The following SYTL3 variants were observed in gnomAD, a reference collection of about 807,000 sequenced individuals.
The protein encoded by SYTL3 is synaptotagmin like 3.
In SYTL3, 88 loss-of-function variants were observed where a neutral mutation model predicts 82.1. The ratio of observed to expected loss-of-function variants is 1.07; its 90% CI spans 0.90 to 1.28. The LOEUF is 1.28. Ranked by LOEUF, SYTL3 falls within the 50% of genes most tolerant of loss-of-function variation. The probability of loss-of-function intolerance (pLI) is 0.00; values close to 1 mark genes in which losing one functional copy is unlikely to be tolerated. For synonymous variants in SYTL3, 311 were observed against 289.4 expected, an observed-to-expected ratio of 1.07 and a Z score of -0.76; for missense variants, 831 against 757.6, an observed-to-expected ratio of 1.10 and a Z score of -1.14.
chr6:158,689,095 G>T (rs1325793416), intron 6 of SYTL3, among the ~76,000 whole-genome samples: 1 of 152,192 alleles, frequency 6.6e-6, no homozygotes, highest in East Asian at 1.9e-4. Context: ...ATAGTTAGGG[G>T]ATTTCCAGCT....
At chr6:158,648,578 G>A (rs1583093900), upstream of SYTL3, among the ~76,000 whole-genome samples, 1 of 134,766 alleles carries the variant, frequency 7.4e-6, no homozygotes, top group Non-Finnish European at 1.6e-5. Flanking sequence ...GTGAAAGAGC[G>A]AGACTCGGTC....
chr6:158,673,876 G>A (rs1777690564), intron 5 of SYTL3, among the ~76,000 whole-genome samples: 2 of 150,762 alleles, frequency 1.3e-5, no homozygotes, highest in Admixed American at 1.3e-4. Flanking sequence ...TTGAGGTCAG[G>A]AATTCAAGTC....
At chr6:158,763,777 G>A (rs1305581762) in intron 17 of SYTL3, among the ~76,000 whole-genome samples, 1 of 152,178 alleles carries the variant, frequency 6.6e-6, no homozygotes, top group Non-Finnish European at 1.5e-5. Flanking sequence ...ATTTGCTTTT[G>A]TTTCTGGCGT....
chr6:158,726,066 T>C, intron 11 of SYTL3: 4 of 523,718 alleles, frequency 7.6e-6, no homozygotes, highest in African/African-American at 1.9e-5. Flanking sequence ...ACAGGATCAA[T>C]GTAGTGAAAC....
intron 10 of SYTL3, among the ~76,000 whole-genome samples, chr6:158,719,662 T>C (rs1203776009): frequency 6.6e-6 from 1 of 152,232 alleles, no homozygotes; most frequent in African/African-American, 2.4e-5. Flanking sequence ...TCACTCCTTC[T>C]AGTGAAACAG....
chr6:158,764,867 ATGTCCTCC>A, exon 18 of SYTL3: 1 of 369,392 alleles, frequency 2.7e-6, no homozygotes, highest in Non-Finnish European at 5.0e-6. Context: ...GTTGTTACCC[ATGTCCTCC>A]AGTGCTTATC....
intron 14 of SYTL3, among the ~76,000 whole-genome samples, chr6:158,760,323 C>T (rs1427493448): frequency 2.0e-5 from 3 of 152,184 alleles, no homozygotes; most frequent in Non-Finnish European, 4.4e-5. Context: ...TTTTCAAACT[C>T]AGGCTGTGTC....
chr6:158,716,205 G>A (rs190076714), intron 9 of SYTL3, among the ~76,000 whole-genome samples: 1 of 152,138 alleles, frequency 6.6e-6, no homozygotes, highest in Non-Finnish European at 1.5e-5. Context: ...GAGAAAACTG[G>A]TCTTGCCCAG....
intron 13 of SYTL3, among the ~76,000 whole-genome samples, chr6:158,756,654 G>A (rs2128540389): frequency 6.7e-6 from 1 of 148,850 alleles, no homozygotes; most frequent in Non-Finnish European, 1.5e-5. Context: ...AGAGGTTGCA[G>A]TGAGCCAAGA....
intron 13 of SYTL3, among the ~76,000 whole-genome samples, chr6:158,756,065 A>G (rs1441262200): frequency 6.6e-6 from 1 of 152,220 alleles, no homozygotes; most frequent in African/African-American, 2.4e-5. Flanking sequence ...GTGTTCAATA[A>G]CTTGTAGGGT....
chr6:158,714,110 T>C (rs948266196), intron 9 of SYTL3, among the ~76,000 whole-genome samples: 37 of 152,214 alleles, frequency 2.4e-4, no homozygotes, highest in Admixed American at 2.4e-3. Flanking sequence ...CCAAGCACTT[T>C]GGGAGGCCAA....
At chr6:158,654,504 G>A (rs985550265) in intron 2 of SYTL3, among the ~76,000 whole-genome samples, 6 of 152,120 alleles carry the variant, frequency 3.9e-5, no homozygotes, top group African/African-American at 7.2e-5. Flanking sequence ...GGCTGCCCGC[G>A]TCCCTCCCAA....
intron 5 of SYTL3, among the ~76,000 whole-genome samples, chr6:158,666,374 G>A (rs927085835): frequency 2.6e-5 from 4 of 152,092 alleles, no homozygotes; most frequent in African/African-American, 7.2e-5. Context: ...GTGTTTAGGG[G>A]GTTTTAATAC....
chr6:158,728,772 C>T (rs994655494), intron 11 of SYTL3, among the ~76,000 whole-genome samples: 7 of 151,320 alleles, frequency 4.6e-5, no homozygotes, highest in Non-Finnish European at 7.4e-5. Flanking sequence ...AACCCCTTCT[C>T]TACTAAAAAT....
upstream of SYTL3, among the ~76,000 whole-genome samples, chr6:158,649,394 G>C (rs568999625): frequency 6.6e-6 from 1 of 152,388 alleles, no homozygotes; most frequent in African/African-American, 2.4e-5. Context: ...TCAAGGGAAA[G>C]AGAAGGGAAA....
At chr6:158,673,546 TCTC>T (rs1425272414) in intron 5 of SYTL3, among the ~76,000 whole-genome samples, 1 of 150,462 alleles carries the variant, frequency 6.6e-6, no homozygotes, top group Non-Finnish European at 1.5e-5. Flanking sequence ...TTCACGCCAT[TCTC>T]CTGTCTCAGG....
rs368047956 is a variant in SYTL3, at chr6:158,670,345, T to C, written c.329+4732T>C. On this transcript the variant is annotated intron_variant, in intron 5 of 17. Transcript: ENST00000611299. ...TAACTCTGCTAACTCTGTAAAAGAT[T>C]GAAAAGAAATTGAATGCCAAGTGTG... Among the ~76,000 whole-genome samples, 22 of 152,360 alleles carry C rather than the reference T, an allele frequency of 1.4e-4. No individual in the cohort carries two copies. In the South Asian group the frequency reaches 4.3e-3, roughly 30 times the overall value.
intron 6 of SYTL3, among the ~76,000 whole-genome samples, chr6:158,692,198 C>T (rs1779958775): frequency 8.3e-6 from 1 of 120,648 alleles, no homozygotes. Flanking sequence ...CTGGAGCTTG[C>T]AGTGAGCCCA....
chr6:158,734,719 G>A (rs753147395), intron 11 of SYTL3, among the ~76,000 whole-genome samples: 29 of 151,974 alleles, frequency 1.9e-4, no homozygotes, highest in Non-Finnish European at 2.9e-4. Flanking sequence ...CTCATCTGTT[G>A]GGTATTGTCT....
Sources: allele counts gnomAD v4.1 joint callset (sites outside exome capture counted in the v4.1 genomes callset), GRCh38; gene constraint gnomAD v4.1.1; transcripts MANE v1.5; gene names NCBI Gene and HGNC (gene_info 2026-07-23, HGNC 2026-07-21).